The following SH3GL3 variants were observed in gnomAD, a reference collection of about 807,000 sequenced individuals.
SH3GL3 encodes SH3 domain containing GRB2 like 3, endophilin A3.
Under a neutral mutation model 47.7 loss-of-function variants are expected in SH3GL3, and 33 were observed. The observed-to-expected ratio is 0.69, with a 90% CI of 0.52 to 0.92. The LOEUF is 0.92. SH3GL3 is among the 40% of genes least tolerant of loss of function. The probability of loss-of-function intolerance (pLI) is 0.00; values close to 1 mark genes in which losing one functional copy is unlikely to be tolerated. For synonymous variants in SH3GL3, 155 were observed against 148.8 expected (o/e 1.04, Z -0.30); for missense variants, 363 against 417.8 (o/e 0.87, Z 1.14).
At chr15:83,492,600 C>T (rs745940346) in intron 1 of SH3GL3, among the ~76,000 whole-genome samples, 6 of 152,176 alleles carry the variant, frequency 3.9e-5, no homozygotes, top group Non-Finnish European at 8.8e-5. Flanking sequence ...CCCAAGGTTA[C>T]ACATGGTAAG....
intron 8 of SH3GL3, among the ~76,000 whole-genome samples, chr15:83,605,122 G>T (rs747094809): frequency 6.6e-6 from 1 of 152,204 alleles, no homozygotes; most frequent in East Asian, 1.9e-4. Context: ...GATCACAGAC[G>T]TGCAGAAGCT....
chr15:83,490,057 T>C (rs2041810319), intron 1 of SH3GL3, among the ~76,000 whole-genome samples: 1 of 152,150 alleles, frequency 6.6e-6, no homozygotes, highest in African/African-American at 2.4e-5. Context: ...ACATCGTTGG[T>C]GACAGAGTTG....
chr15:83,495,093 G>T (rs2042028461), intron 1 of SH3GL3, among the ~76,000 whole-genome samples: 1 of 152,064 alleles, frequency 6.6e-6, no homozygotes, highest in South Asian at 2.1e-4. Flanking sequence ...TCTTGCTGTG[G>T]TCCCCCCGGT....
intron 6 of SH3GL3, among the ~76,000 whole-genome samples, chr15:83,577,986 C>A (rs2151785255): frequency 6.6e-6 from 1 of 152,324 alleles, no homozygotes; most frequent in Non-Finnish European, 1.5e-5. Context: ...ATTGAGGACA[C>A]AAAAGCATGA....
intron 8 of SH3GL3, among the ~76,000 whole-genome samples, chr15:83,608,849 A>T (rs909271562): frequency 1.5e-4 from 23 of 148,492 alleles, no homozygotes; most frequent in Non-Finnish European, 2.2e-4. Flanking sequence ...AGCTTCTAGG[A>T]GACTTGGGGT....
At chr15:83,594,683 T>C (rs2060194215) in intron 8 of SH3GL3, among the ~76,000 whole-genome samples, 1 of 152,228 alleles carries the variant, frequency 6.6e-6, no homozygotes. Context: ...ACTGTTTACA[T>C]ATTTTGTAGA....
intron 1 of SH3GL3, among the ~76,000 whole-genome samples, chr15:83,555,916 T>A (rs185544403): frequency 1.3e-5 from 2 of 152,368 alleles, no homozygotes; most frequent in Admixed American, 6.5e-5. Context: ...TATTCTGTTT[T>A]TGAGCATTGC....
chr15:83,552,885 A>G (rs1014779809), intron 1 of SH3GL3, among the ~76,000 whole-genome samples: 2 of 152,276 alleles, frequency 1.3e-5, no homozygotes, highest in African/African-American at 4.8e-5. Context: ...TAATAGTGGA[A>G]ACAATATCAT....
At chr15:83,491,620 G>T (rs2041878144) in intron 1 of SH3GL3, among the ~76,000 whole-genome samples, 1 of 152,172 alleles carries the variant, frequency 6.6e-6, no homozygotes, top group Non-Finnish European at 1.5e-5. Context: ...TTTCAGAAGG[G>T]GCTTGGTGTT....
chr15:83,591,953 G>A (rs1450867032), intron 8 of SH3GL3, among the ~76,000 whole-genome samples: 1 of 152,168 alleles, frequency 6.6e-6, no homozygotes, highest in Non-Finnish European at 1.5e-5. Flanking sequence ...GATTACAGCT[G>A]TGAGCCACCA....
intron 1 of SH3GL3, among the ~76,000 whole-genome samples, chr15:83,518,209 G>A (rs948107322): frequency 3.3e-5 from 5 of 152,218 alleles, no homozygotes; most frequent in Admixed American, 2.6e-4. Flanking sequence ...ACATGTGCAT[G>A]TGTCCTTTTG....
chr15:83,629,810 A>G, the SH3GL3 span, among the ~76,000 whole-genome samples: 2 of 149,120 alleles, frequency 1.3e-5, no homozygotes, highest in African/African-American at 4.8e-5. Context: ...CCAGAGCAAG[A>G]CTCTGTCTTA....
chr15:83,523,317 A>G (rs1449066380), intron 1 of SH3GL3, among the ~76,000 whole-genome samples: 1 of 152,210 alleles, frequency 6.6e-6, no homozygotes. Context: ...TGAGCACTGT[A>G]GAGACACCTG....
chr15:83,560,120 C>T lies in SH3GL3; in HGVS notation c.114+799C>T, dbSNP rs117394255. 2.7e-3 allele frequency among the ~76,000 whole-genome samples: 404 copies of T among 152,210 alleles called. 6 individuals carry two copies. The East Asian group carries it at 0.051, about 19-fold the overall frequency. On this transcript the variant is annotated intron_variant, in intron 2 of 8. Transcript: ENST00000427482. ...TAGCCTTGTTTTAATAATTAGACCCCCCACCCCAGAGGAGAGAGGGAGGAA... is the reference window on the plus strand; with the variant it reads ...TAGCCTTGTTTTAATAATTAGACCCTCCACCCCAGAGGAGAGAGGGAGGAA...
At chr15:83,623,979 G>T in the SH3GL3 span, among the ~76,000 whole-genome samples, 2 of 152,096 alleles carry the variant, frequency 1.3e-5, no homozygotes, top group East Asian at 1.9e-4. Context: ...TGGAGACGGG[G>T]TTTCACCATG....
intron 6 of SH3GL3, among the ~76,000 whole-genome samples, chr15:83,586,765 A>T (rs1421631041): frequency 1.3e-5 from 2 of 152,238 alleles, no homozygotes; most frequent in African/African-American, 2.4e-5. Flanking sequence ...TCAAATTCAT[A>T]ATCACAAATA....
intron 8 of SH3GL3, among the ~76,000 whole-genome samples, chr15:83,596,226 C>T (rs914688909): frequency 6.6e-6 from 1 of 152,074 alleles, no homozygotes; most frequent in African/African-American, 2.4e-5. Flanking sequence ...CATTTTTTAT[C>T]AAATAAGATA....
the SH3GL3 span, among the ~76,000 whole-genome samples, chr15:83,632,220 T>C: frequency 2.8e-3 from 419 of 152,348 alleles, 3 homozygotes; most frequent in Middle Eastern, 0.01. Flanking sequence ...TCTAGGAAGT[T>C]CCAAACTTTC....
At chr15:83,509,678 A>G (rs941539729) in intron 1 of SH3GL3, among the ~76,000 whole-genome samples, 4 of 152,222 alleles carry the variant, frequency 2.6e-5, no homozygotes, top group Non-Finnish European at 4.4e-5. Flanking sequence ...AGAAAGGAAG[A>G]GGGCAAAGAT....
Sources: allele counts gnomAD v4.1 joint callset (sites outside exome capture counted in the v4.1 genomes callset), GRCh38; gene constraint gnomAD v4.1.1; transcripts MANE v1.5; gene names NCBI Gene and HGNC (gene_info 2026-07-23, HGNC 2026-07-21).